Variants in ELOVL6 observed in about 807,000 individuals in gnomAD.
ELOVL6 encodes very long chain fatty acid elongase 6.
A neutral mutation model predicts 31.7 loss-of-function variants in ELOVL6; 8 were observed. The ratio of observed to expected loss-of-function variants is 0.25; its 90% CI spans 0.15 to 0.45. The LOEUF (loss-of-function observed/expected upper bound fraction) is 0.45. ELOVL6 is among the 20% of genes least tolerant of loss of function. The pLI, the probability that ELOVL6 is intolerant of heterozygous loss-of-function variation, is 1.00. For synonymous variants in ELOVL6, 101 were observed against 117.7 expected, an observed-to-expected ratio of 0.86 and a Z score of 0.92; for missense variants, 126 against 326.4, an observed-to-expected ratio of 0.39 and a Z score of 4.73.
intron 1 of ELOVL6, among the ~76,000 whole-genome samples, chr4:110,124,292 C>T (rs1323822441): frequency 6.6e-6 from 1 of 152,122 alleles, no homozygotes; most frequent in African/African-American, 2.4e-5. Context: ...AATAGCAAAA[C>T]ATGAAACCAA....
In ELOVL6 at chr4:110,155,889, C is replaced by T. The variant is rs188731213; in HGVS notation, c.89+42358G>A. 4.8e-3 allele frequency among the ~76,000 whole-genome samples: 733 copies of T among 152,252 alleles called. 7 individuals are homozygous for T. Among genetic ancestry groups the T allele is most frequent in the African/African-American group, 0.017 (707 of 41,546 alleles). On this transcript the variant is annotated intron_variant, in intron 1 of 3. Transcript: ENST00000302274. ...AAAAGGTTCCCAGACAATTACAACA[C>T]GGGAAGCACAGCTCATGTTGAGAAC... is the stretch of plus-strand genomic sequence containing the variant.
intron 3 of ELOVL6, among the ~76,000 whole-genome samples, chr4:110,052,962 T>C (rs1379382890): frequency 6.6e-6 from 1 of 152,228 alleles, no homozygotes. Flanking sequence ...TTTTGTTTGT[T>C]TTTGAGACAG....
intron 3 of ELOVL6, among the ~76,000 whole-genome samples, chr4:110,054,114 A>C (rs1754910624): frequency 6.6e-6 from 1 of 152,124 alleles, no homozygotes. Context: ...AAAATAAATA[A>C]ATTAATTAAA....
chr4:110,185,008 A>G (rs1302880053), intron 1 of ELOVL6, among the ~76,000 whole-genome samples: 1 of 152,168 alleles, frequency 6.6e-6, no homozygotes, highest in African/African-American at 2.4e-5. Context: ...TGTACTGGGG[A>G]AAAATAAACC....
Position 110,084,558 on chromosome 4 carries a change from ACAC to A in ELOVL6, c.221+20936_221+20938del, listed in dbSNP as rs1553956235. Among the ~76,000 whole-genome samples, 4 of 61,694 alleles carry A rather than the reference ACAC, an allele frequency of 6.5e-5. 1 individual carries two copies. The highest frequency in any genetic ancestry group is 4.7e-4 in the African/African-American group (4 of 8,468). The allele number at this position is 61,694 out of a possible 152,430, so 40.5% of individuals were successfully genotyped here. A position where few individuals can be genotyped will look rare whatever the true frequency, so the allele number is the denominator to read the frequency against. ...CACACACACACACACACACACACAC[ACAC>A]AGATATATATATATATATATATATA... is the stretch of plus-strand genomic sequence containing the variant. On this transcript the variant is annotated intron_variant, in intron 2 of 3. Transcript: ENST00000302274.
At chr4:110,087,239 C>T (rs75596350) in intron 2 of ELOVL6, among the ~76,000 whole-genome samples, 4,588 of 152,148 alleles carry the variant, frequency 0.03, 109 homozygotes, top group East Asian at 0.11. Context: ...TAAAAGTCAC[C>T]AAGGGAGCCT....
chr4:110,153,720 T>A (rs1474612268), intron 1 of ELOVL6, among the ~76,000 whole-genome samples: 1 of 152,188 alleles, frequency 6.6e-6, no homozygotes, highest in African/African-American at 2.4e-5. Flanking sequence ...TGAAAAACTG[T>A]TATAATTTTT....
At position 110,078,209 on chromosome 4, in the gene ELOVL6, A is replaced by C. The variant is rs940218173; in HGVS notation, c.222-18455T>G. The stretch of plus-strand genomic sequence containing the variant: ...AACTTCCCAAATCTAGCAAGGCAGG[A>C]CAACATTCATATTCAGGAAATACAG... On this transcript the variant is annotated intron_variant, in intron 2 of 3. Transcript: ENST00000302274. Among the ~76,000 whole-genome samples, 7 of 152,322 alleles carry C rather than the reference A, an allele frequency of 4.6e-5. No individual in the cohort carries two copies. In the East Asian group the frequency reaches 5.8e-4, roughly 13 times the overall value.
intron 2 of ELOVL6, among the ~76,000 whole-genome samples, chr4:110,101,925 A>G (rs1484478570): frequency 6.6e-6 from 1 of 152,200 alleles, no homozygotes; most frequent in Non-Finnish European, 1.5e-5. Flanking sequence ...AATTTAATAA[A>G]TAAGACATCT....
rs116241315 is a variant in ELOVL6, at chr4:110,084,823, G to C, written c.221+20674C>G. ...TTGGTCACGCTGGTCTCGAACTCTTGACCTCATGTTCTGCCCATCTTGGCT... is the reference window on the plus strand; with the variant it reads ...TTGGTCACGCTGGTCTCGAACTCTTCACCTCATGTTCTGCCCATCTTGGCT... On this transcript the variant is annotated intron_variant, in intron 2 of 3. Transcript: ENST00000302274. 3.6e-3 allele frequency among the ~76,000 whole-genome samples: 552 copies of C among 151,392 alleles called. 2 individuals are homozygous for C. The highest frequency in any genetic ancestry group is 0.013 in the African/African-American group (535 of 41,158).
intron 2 of ELOVL6, among the ~76,000 whole-genome samples, chr4:110,081,754 A>C (rs1320418928): frequency 1.3e-5 from 2 of 150,428 alleles, no homozygotes; most frequent in East Asian, 1.9e-4. Context: ...GGATCTAATT[A>C]AACTAAAGAG....
At chr4:110,084,417 G>GATATATCGC (rs1756132787) in intron 2 of ELOVL6, among the ~76,000 whole-genome samples, 1 of 10,132 alleles carries the variant, frequency 9.9e-5, no homozygotes, top group Non-Finnish European at 2.1e-4. Flanking sequence ...TGACATACAT[G>GATATATCGC]ATATATCACA....
intron 1 of ELOVL6, among the ~76,000 whole-genome samples, chr4:110,159,931 A>G (rs11736615): frequency 0.45 from 68,184 of 151,980 alleles, 16,504 homozygotes; most frequent in East Asian, 0.64. Context: ...GCTAAAAAAA[A>G]TTTCCTTTCC....
chr4:110,113,227 C>T (rs868174614), intron 1 of ELOVL6, among the ~76,000 whole-genome samples: 1 of 107,478 alleles, frequency 9.3e-6, no homozygotes, highest in African/African-American at 3.6e-5. Flanking sequence ...GACTCCGTCT[C>T]AAAAAAAAAA....
chr4:110,133,922 T>C (rs899426729), intron 1 of ELOVL6, among the ~76,000 whole-genome samples: 1 of 152,228 alleles, frequency 6.6e-6, no homozygotes, highest in African/African-American at 2.4e-5. Flanking sequence ...CCTGTTTACA[T>C]ACGTTTAGAA....
intron 2 of ELOVL6, among the ~76,000 whole-genome samples, chr4:110,079,453 A>T (rs1755763048): frequency 6.6e-6 from 1 of 152,102 alleles, no homozygotes; most frequent in Non-Finnish European, 1.5e-5. Flanking sequence ...AAACCGCTCA[A>T]CTACATGAAA....
chr4:110,179,095 G>C (rs1483283904), intron 1 of ELOVL6, among the ~76,000 whole-genome samples: 1 of 151,250 alleles, frequency 6.6e-6, no homozygotes, highest in Non-Finnish European at 1.5e-5. Context: ...TCTACGTTAG[G>C]TAAAATCTTT....
At chr4:110,171,464 T>C (rs1316072727) in intron 1 of ELOVL6, among the ~76,000 whole-genome samples, 1 of 151,196 alleles carries the variant, frequency 6.6e-6, no homozygotes, top group African/African-American at 2.4e-5. Flanking sequence ...AGATCATACC[T>C]TTTTTGTCCA....
chr4:110,113,142 G>C (rs566523227), intron 1 of ELOVL6, among the ~76,000 whole-genome samples: 2 of 150,182 alleles, frequency 1.3e-5, no homozygotes, highest in South Asian at 4.3e-4. Context: ...GCAGGAGAAT[G>C]GCGTGAACCT....
Sources: gnomAD v4.1 joint callset for allele counts (sites outside exome capture counted in the v4.1 genomes callset) on GRCh38, gnomAD v4.1.1 for gene constraint, MANE v1.5 for transcripts, NCBI Gene and HGNC (gene_info 2026-07-23, HGNC 2026-07-21) for gene names.